FHAD1: variants seen among roughly 807,000 people sequenced by gnomAD.
FHAD1 encodes forkhead associated phosphopeptide binding domain 1.
In FHAD1, 146 loss-of-function variants were observed where a neutral mutation model predicts 191.3. That is an observed-to-expected ratio of 0.76 (90% confidence interval 0.67 to 0.88). The LOEUF (loss-of-function observed/expected upper bound fraction) is 0.88, where lower values mean the gene tolerates loss of function less well. FHAD1 is among the 40% of genes least tolerant of loss of function. The pLI is 0.00. For missense variants in FHAD1, 1,635 were observed against 1,785.8 expected (o/e 0.92, Z 1.52); for synonymous variants, 616 against 672.3 (o/e 0.92, Z 1.29).
intron 32 of FHAD1, among the ~76,000 whole-genome samples, chr1:15,390,103 T>A (rs1052771636): frequency 2.0e-5 from 3 of 152,066 alleles, no homozygotes; most frequent in Admixed American, 2.0e-4. Context: ...TCCAGCACTT[T>A]GGGAGGACGA....
intron 14 of FHAD1, among the ~76,000 whole-genome samples, chr1:15,332,397 A>G (rs929254096): frequency 6.6e-6 from 1 of 152,190 alleles, no homozygotes; most frequent in Non-Finnish European, 1.5e-5. Context: ...AAATCTAGTC[A>G]TATATTATTG....
chr1:15,356,698 C>T (rs1191588492), intron 20 of FHAD1, among the ~76,000 whole-genome samples: 4 of 151,922 alleles, frequency 2.6e-5, no homozygotes, highest in African/African-American at 4.8e-5. Flanking sequence ...ATGGCAAAAC[C>T]GCATCTCTGC....
chr1:15,374,551 AG>A lies in FHAD1; in HGVS notation c.3499del (p.Glu1167ArgfsTer37). On this transcript the variant is annotated frameshift_variant, in exon 27 of 34. Coordinates refer to ENST00000688493, the MANE Select transcript of FHAD1 (RefSeq NM_001391957.1). LOFTEE classifies it high-confidence loss of function. ...GTCAGGTGCAAAGGGTCCCGGCACG[AG>A]GAGGTCATTCAGCGTCAGAAAAAGG... ...LGVRCKGSRH[E>X]EVIQRQKKAL... is the part of the protein sequence containing the mutation. 1 of 1,551,786 alleles carries A rather than the reference AG, an allele frequency of 6.4e-7. No individual in the cohort carries two copies. The highest frequency in any genetic ancestry group is 8.7e-7 in the Non-Finnish European group (1 of 1,147,014).
At chr1:15,361,943 G>T (rs984214533) in intron 22 of FHAD1, among the ~76,000 whole-genome samples, 7 of 151,696 alleles carry the variant, frequency 4.6e-5, no homozygotes, top group African/African-American at 1.5e-4. Context: ...GGCGGAGCTT[G>T]CAGTGAGCCG....
chr1:15,338,611 T>C (rs1182936259), intron 14 of FHAD1, among the ~76,000 whole-genome samples: 2 of 151,742 alleles, frequency 1.3e-5, no homozygotes, highest in Non-Finnish European at 2.9e-5. Flanking sequence ...TCGTAGGGGG[T>C]CATCATTCAG....
At chr1:15,257,514 C>T (rs576552333) in intron 2 of FHAD1, among the ~76,000 whole-genome samples, 2 of 152,304 alleles carry the variant, frequency 1.3e-5, no homozygotes, top group Admixed American at 6.5e-5. Context: ...CCCATCAGGA[C>T]GCGCCCGTTC....
intron 20 of FHAD1, among the ~76,000 whole-genome samples, chr1:15,354,783 T>C (rs1558204708): frequency 6.6e-6 from 1 of 152,092 alleles, no homozygotes; most frequent in Non-Finnish European, 1.5e-5. Context: ...TAGACAAAAA[T>C]AGACCAACTG....
At chr1:15,324,302 C>G (rs1253316672) in intron 10 of FHAD1, 150 bp from the exon 11 acceptor site, 10 of 657,982 alleles carry the variant, frequency 1.5e-5, no homozygotes, top group Non-Finnish European at 2.8e-5. Flanking sequence ...CTGGCTCCAC[C>G]CCGCGCACGC....
intron 1 of FHAD1, among the ~76,000 whole-genome samples, chr1:15,240,655 A>G (rs112145173): frequency 0.011 from 1,592 of 150,854 alleles, 30 homozygotes; most frequent in African/African-American, 0.037. Flanking sequence ...AAAGAAAGAA[A>G]AAGAAAAAAG....
chr1:15,257,847 G>C (rs982882577), intron 2 of FHAD1, among the ~76,000 whole-genome samples: 6 of 151,982 alleles, frequency 3.9e-5, no homozygotes, highest in African/African-American at 7.2e-5. Flanking sequence ...TGTTTTTTTG[G>C]GGGGAGGGGA....
At chr1:15,328,241 CTTT>C (rs144888008) in intron 12 of FHAD1, 33 bp from the exon 13 acceptor site, 119 of 1,219,640 alleles carry the variant, frequency 9.8e-5, no homozygotes, top group East Asian at 3.8e-4. Flanking sequence ...TATGTTACAT[CTTT>C]TTTTTTTTTT....
intron 28 of FHAD1, among the ~76,000 whole-genome samples, chr1:15,376,397 G>A (rs1295074299): frequency 1.2e-4 from 18 of 152,136 alleles, no homozygotes; most frequent in Admixed American, 1.2e-3. Flanking sequence ...GCCGATCACG[G>A]GTGATATTCT....
chr1:15,266,073 C>A (rs971260469), intron 2 of FHAD1, among the ~76,000 whole-genome samples: 1 of 151,046 alleles, frequency 6.6e-6, no homozygotes, highest in Non-Finnish European at 1.5e-5. Flanking sequence ...TCCCAAAGGG[C>A]GAATATGTTT....
At chr1:15,394,476 T>C (rs1016233168) in intron 33 of FHAD1, among the ~76,000 whole-genome samples, 1 of 152,206 alleles carries the variant, frequency 6.6e-6, no homozygotes, top group African/African-American at 2.4e-5. Flanking sequence ...TTTGGACCAA[T>C]ATTTACTTTG....
At chr1:15,321,891 A>G (rs1291969464) in intron 10 of FHAD1, among the ~76,000 whole-genome samples, 1 of 152,336 alleles carries the variant, frequency 6.6e-6, no homozygotes, top group East Asian at 1.9e-4. Flanking sequence ...ACATATTTTG[A>G]CTGGGTATTG....
At position 15,374,645 on chromosome 1, in the gene FHAD1, T is replaced by TTCC. The variant is rs888716173; in HGVS notation, c.3577+16_3577+18dup. 5.2e-6 allele frequency: 8 copies of TTCC among 1,550,752 alleles called. No homozygotes were observed. In the Admixed American group the frequency reaches 1.2e-4, roughly 23 times the overall value. ...CGCGCTCACCAGGTAAGTCTCCTCCTTCCTAGTCAGAGCAGTGGACCCCAG... is the reference window on the plus strand; with the variant it reads ...CGCGCTCACCAGGTAAGTCTCCTCCTTCCTCCTAGTCAGAGCAGTGGACCCCAG... On this transcript the variant is annotated intron_variant, in intron 27 of 33. Transcript: ENST00000688493.
At chr1:15,398,741 A>G (rs932903020), downstream of FHAD1, among the ~76,000 whole-genome samples, 2 of 150,468 alleles carry the variant, frequency 1.3e-5, no homozygotes, top group African/African-American at 4.9e-5. Flanking sequence ...CCTTCTCTCC[A>G]TCTATCCGTG....
intron 11 of FHAD1, chr1:15,326,017 C>G (rs1678424494): frequency 6.6e-6 from 1 of 152,340 alleles, no homozygotes; most frequent in African/African-American, 2.4e-5. Flanking sequence ...ACAGTCAATT[C>G]TTTGGGTGAG....
At chr1:15,273,247 C>T (rs1345961460) in intron 3 of FHAD1, among the ~76,000 whole-genome samples, 1 of 152,068 alleles carries the variant, frequency 6.6e-6, no homozygotes, top group Non-Finnish European at 1.5e-5. Context: ...ACATTTGAAA[C>T]CTAAATGCCC....
Sources: gnomAD v4.1 joint callset for allele counts (sites outside exome capture counted in the v4.1 genomes callset) on GRCh38, gnomAD v4.1.1 for gene constraint, MANE v1.5 for transcripts, NCBI Gene and HGNC (gene_info 2026-07-23, HGNC 2026-07-21) for gene names.